Variants in THRB observed in about 807,000 individuals in gnomAD.
The protein encoded by THRB is nuclear receptor subfamily 1 group A member 2.
In THRB, 12 loss-of-function variants were observed where a neutral mutation model predicts 47.8. The observed-to-expected ratio is 0.25, with a 90% CI of 0.16 to 0.41. THRB has a LOEUF of 0.41. Among genes scored for constraint, THRB ranks in the 10% least tolerant of loss-of-function variants. THRB has a pLI of 1.00. For missense variants in THRB, 348 were observed against 589.2 expected (o/e 0.59, Z 4.24); for synonymous variants, 218 against 212.2 (o/e 1.03, Z -0.24).
chr3:24,291,143 T>C (rs903327549), intron 3 of THRB, among the ~76,000 whole-genome samples: 11 of 152,236 alleles, frequency 7.2e-5, no homozygotes, highest in Non-Finnish European at 1.3e-4. Context: ...TGTTACAGCC[T>C]TCCTCTCACA....
chr3:24,160,937 T>C lies in THRB; in HGVS notation c.284-8447A>G, dbSNP rs143298035. ...TTTGGACTCCTACTGTTAGCTTTCA[T>C]TGTGAGTAAGGGCAATGCATGCTCT... On this transcript the variant is annotated intron_variant, in intron 5 of 10. Coordinates refer to ENST00000646209, the MANE Select transcript of THRB (RefSeq NM_001354712.2). 3.6e-3 allele frequency among the ~76,000 whole-genome samples: 542 copies of C among 152,342 alleles called. 5 individuals carry two copies. The highest frequency in any genetic ancestry group is 3.1e-3 in the Non-Finnish European group (212 of 68,030).
At chr3:24,127,467 G>T (rs541526566) in intron 10 of THRB, 32 bp downstream of exon 10, 1 of 1,613,534 alleles carries the variant, frequency 6.2e-7, no homozygotes, top group East Asian at 2.2e-5. Context: ...AAAGCTCTTT[G>T]GATGCCCACT....
At chr3:24,348,392 A>G (rs1262799568) in intron 1 of THRB, among the ~76,000 whole-genome samples, 1 of 152,070 alleles carries the variant, frequency 6.6e-6, no homozygotes, top group Non-Finnish European at 1.5e-5. Flanking sequence ...CCCTGCCACA[A>G]GTCCCCCTTC....
At chr3:24,278,694 T>C (rs569353217) in intron 3 of THRB, among the ~76,000 whole-genome samples, 7 of 152,318 alleles carry the variant, frequency 4.6e-5, no homozygotes, top group Non-Finnish European at 8.8e-5. Context: ...TCTGTAACTG[T>C]TTCCAGATTT....
chr3:24,418,303 G>T (rs1328248262), intron 1 of THRB, among the ~76,000 whole-genome samples: 5 of 149,882 alleles, frequency 3.3e-5, no homozygotes, highest in South Asian at 4.2e-4. Flanking sequence ...GGTTGAATAA[G>T]CTATGACCAT....
chr3:24,276,182 T>G (rs1034201696), intron 3 of THRB, among the ~76,000 whole-genome samples: 1 of 152,216 alleles, frequency 6.6e-6, no homozygotes, highest in East Asian at 1.9e-4. Flanking sequence ...TTTTTAGCAG[T>G]TGCTAAATCA....
At chr3:24,194,391 TG>T (rs2043720941) in intron 4 of THRB, among the ~76,000 whole-genome samples, 1 of 152,216 alleles carries the variant, frequency 6.6e-6, no homozygotes, top group Non-Finnish European at 1.5e-5. Flanking sequence ...GATCATATCT[TG>T]TTATTCATAT....
At chr3:24,335,208 C>T (rs368286941) in intron 2 of THRB, among the ~76,000 whole-genome samples, 41 of 152,304 alleles carry the variant, frequency 2.7e-4, no homozygotes, top group African/African-American at 9.6e-4. Flanking sequence ...TTCTTGGCCT[C>T]TGTGGTCAGC....
intron 6 of THRB, among the ~76,000 whole-genome samples, chr3:24,152,154 C>T (rs1240462787): frequency 6.6e-6 from 1 of 152,036 alleles, no homozygotes; most frequent in African/African-American, 2.4e-5. Context: ...AAAACACTTG[C>T]AGAAGTAAAG....
At chr3:24,309,696 T>A (rs1341783784) in intron 2 of THRB, among the ~76,000 whole-genome samples, 1 of 152,204 alleles carries the variant, frequency 6.6e-6, no homozygotes, top group Non-Finnish European at 1.5e-5. Context: ...ATTTCCTTTT[T>A]TGATAAAAGT....
rs1575399586 is a variant in THRB, at chr3:24,146,913, A to G, written c.385-91T>C. 14 of 1,233,318 alleles carry G rather than the reference A, an allele frequency of 1.1e-5. No individual in the cohort carries two copies. The East Asian group carries it at 3.0e-4, about 27-fold the overall frequency. 76.4% of individuals were successfully genotyped at this position (1,233,318 alleles called of 1,614,324 possible). On this transcript the variant is annotated intron_variant, in intron 6 of 10. Coordinates refer to ENST00000646209, the MANE Select transcript of THRB (RefSeq NM_001354712.2). ...TTTGTGTCCATATAACTATGAGATG[A>G]ATCGTTTTGGACCTTAACCTGTTTC... is the stretch of plus-strand genomic sequence containing the variant.
intron 2 of THRB, among the ~76,000 whole-genome samples, chr3:24,305,902 A>G (rs1056470041): frequency 1.3e-5 from 2 of 152,202 alleles, no homozygotes; most frequent in African/African-American, 4.8e-5. Flanking sequence ...TAAACTTCTT[A>G]GAACTTTTTT....
At chr3:24,344,888 A>G (rs1246380150) in intron 1 of THRB, among the ~76,000 whole-genome samples, 1 of 152,090 alleles carries the variant, frequency 6.6e-6, no homozygotes, top group Admixed American at 6.6e-5. Context: ...AGTATGAAAA[A>G]CACTACTGAA....
At chr3:24,342,547 C>T (rs555426010) in intron 1 of THRB, among the ~76,000 whole-genome samples, 1 of 152,166 alleles carries the variant, frequency 6.6e-6, no homozygotes, top group South Asian at 2.1e-4. Flanking sequence ...GAAGAAATAC[C>T]CTGGCTTCTC....
At chr3:24,402,066 G>T (rs1339061644) in intron 1 of THRB, among the ~76,000 whole-genome samples, 2 of 151,998 alleles carry the variant, frequency 1.3e-5, no homozygotes, top group East Asian at 1.9e-4. Context: ...CCAAGGAGAA[G>T]AAAGTAAAGT....
chr3:24,442,285 C>T (rs1413271261), intron 1 of THRB, among the ~76,000 whole-genome samples: 1 of 152,178 alleles, frequency 6.6e-6, no homozygotes, highest in Non-Finnish European at 1.5e-5. Context: ...GATCTCAGAG[C>T]TTCATATCCT....
intron 1 of THRB, among the ~76,000 whole-genome samples, chr3:24,364,345 A>C (rs1027662833): frequency 2.0e-5 from 3 of 152,214 alleles, no homozygotes; most frequent in African/African-American, 7.2e-5. Context: ...GAAGTCATGC[A>C]GTGGTTGAAG....
intron 3 of THRB, among the ~76,000 whole-genome samples, chr3:24,238,434 T>C (rs2049137687): frequency 6.6e-6 from 1 of 151,970 alleles, no homozygotes; most frequent in Admixed American, 6.6e-5. Flanking sequence ...CTGAGACACA[T>C]GCATGAAAAA....
At chr3:24,193,362 A>G (rs1250410803) in intron 4 of THRB, among the ~76,000 whole-genome samples, 1 of 152,166 alleles carries the variant, frequency 6.6e-6, no homozygotes, top group East Asian at 1.9e-4. Context: ...GTGGGCATGC[A>G]TAGATCTATC....
Sources: gnomAD v4.1 joint callset for allele counts (sites outside exome capture counted in the v4.1 genomes callset) on GRCh38, gnomAD v4.1.1 for gene constraint, MANE v1.5 for transcripts, NCBI Gene and HGNC (gene_info 2026-07-23, HGNC 2026-07-21) for gene names.